The following MAPRE2 variants were observed in gnomAD, a reference collection of about 807,000 sequenced individuals.
MAPRE2 encodes the protein microtubule-associated protein RP/EB family member 2.
In MAPRE2, 13 loss-of-function variants were observed where a neutral mutation model predicts 43.2. That is an observed-to-expected ratio of 0.30 (90% CI 0.20 to 0.48). The LOEUF (loss-of-function observed/expected upper bound fraction) is 0.48. Among genes scored for constraint, MAPRE2 ranks in the 20% least tolerant of loss-of-function variants. The probability of loss-of-function intolerance (pLI) is 0.99; values close to 1 mark genes in which losing one functional copy is unlikely to be tolerated. For missense variants in MAPRE2, 161 were observed against 400.2 expected, an observed-to-expected ratio of 0.40 and a Z score of 5.10; for synonymous variants, 135 against 148.8, an observed-to-expected ratio of 0.91 and a Z score of 0.68.
chr18:35,048,453 A>G (rs1384964037), intron 1 of MAPRE2, among the ~76,000 whole-genome samples: 2 of 151,666 alleles, frequency 1.3e-5, no homozygotes, highest in Admixed American at 6.6e-5. Flanking sequence ...TATGTACACT[A>G]TAGAAAGTAT....
At chr18:35,092,088 A>C (rs961794902) in intron 2 of MAPRE2, among the ~76,000 whole-genome samples, 1 of 152,122 alleles carries the variant, frequency 6.6e-6, no homozygotes, top group Non-Finnish European at 1.5e-5. Flanking sequence ...TTTCACAAGA[A>C]CTCACTGCTT....
At chr18:35,122,442 G>A (rs910153486) in intron 4 of MAPRE2, among the ~76,000 whole-genome samples, 1 of 152,070 alleles carries the variant, frequency 6.6e-6, no homozygotes, top group African/African-American at 2.4e-5. Flanking sequence ...AGTTAAGTAG[G>A]CCTGATCTCA....
chr18:35,110,339 T>C (rs987102772), intron 4 of MAPRE2, among the ~76,000 whole-genome samples: 5 of 152,178 alleles, frequency 3.3e-5, no homozygotes, highest in Non-Finnish European at 7.4e-5. Flanking sequence ...ATTGACTACA[T>C]GTAGAAATTA....
intron 1 of MAPRE2, among the ~76,000 whole-genome samples, chr18:34,985,543 A>AAC (rs1491100504): frequency 5.3e-5 from 3 of 56,882 alleles, no homozygotes; most frequent in African/African-American, 7.4e-5. Context: ...ATAATATATA[A>AAC]TATATATATT....
In MAPRE2 at chr18:35,143,122, A is replaced by G. The variant is rs970608734; in HGVS notation, c.*2753A>G. 6.6e-6 allele frequency: 1 copy of G among 151,806 alleles called. No individual in the cohort carries two copies. The highest frequency in any genetic ancestry group is 2.4e-5 in the African/African-American group (1 of 41,386). 9.4% of individuals were successfully genotyped at this position (151,806 alleles called of 1,614,324 possible). ...AAACACCTGTTGACCTGAGAGAAGTAAATTCCAGAAGGGAACCAAGAACTC... is the reference window on the plus strand; with the variant it reads ...AAACACCTGTTGACCTGAGAGAAGTGAATTCCAGAAGGGAACCAAGAACTC... On this transcript the variant is annotated 3_prime_UTR_variant, in exon 7 of 7. Transcript: ENST00000300249.
chr18:35,122,614 T>C lies in MAPRE2; in HGVS notation c.611-4334T>C, dbSNP rs565335291. ...ATTTCTTCCTTCACTCAGCCTGCACTGTGTCCCCGTTAGTGAGGCTTAACG... is the reference window on the plus strand; with the variant it reads ...ATTTCTTCCTTCACTCAGCCTGCACCGTGTCCCCGTTAGTGAGGCTTAACG... On this transcript the variant is annotated intron_variant, in intron 4 of 6. Coordinates refer to ENST00000300249, the MANE Select transcript of MAPRE2 (RefSeq NM_014268.4). Among the ~76,000 whole-genome samples, 6 of 152,372 alleles carry C rather than the reference T, an allele frequency of 3.9e-5. No homozygotes were observed. In the East Asian group the frequency reaches 9.6e-4, roughly 24 times the overall value.
chr18:35,056,228 A>G (rs1906223747), intron 1 of MAPRE2, among the ~76,000 whole-genome samples: 1 of 152,130 alleles, frequency 6.6e-6, no homozygotes, highest in African/African-American at 2.4e-5. Flanking sequence ...TTAACTTTAA[A>G]TAATTAATCC....
intron 1 of MAPRE2, among the ~76,000 whole-genome samples, chr18:35,050,796 C>G (rs1047022682): frequency 7.2e-5 from 11 of 152,200 alleles, no homozygotes; most frequent in African/African-American, 2.4e-4. Context: ...TCATGTGACC[C>G]CTGTGTGTGA....
At chr18:35,096,045 T>A (rs1324503827) in intron 2 of MAPRE2, among the ~76,000 whole-genome samples, 1 of 152,196 alleles carries the variant, frequency 6.6e-6, no homozygotes, top group Non-Finnish European at 1.5e-5. Context: ...CATTTCATGT[T>A]TTAACAACCC....
intron 1 of MAPRE2, 163 bp downstream of exon 1, chr18:35,041,824 G>A (rs1355179280): frequency 1.4e-5 from 21 of 1,457,842 alleles, no homozygotes; most frequent in Non-Finnish European, 1.7e-5. Context: ...GTGTCATGTT[G>A]GGTTTGCATT....
At chr18:35,039,789 T>A (rs935531252), upstream of MAPRE2, among the ~76,000 whole-genome samples, 4 of 152,248 alleles carry the variant, frequency 2.6e-5, no homozygotes, top group South Asian at 2.1e-4. Flanking sequence ...CATACAGTGA[T>A]GTGAAGGAGT....
Position 35,056,738 on chromosome 18 carries a change from C to A in MAPRE2, c.123-13457C>A, listed in dbSNP as rs1906251830. Reference sequence around the variant, plus strand: ...TAGGTCTTGTGGTAATTTCCTTTTTCTTAATTATCTTTGAATGCTTATTAA... The same window carrying A: ...TAGGTCTTGTGGTAATTTCCTTTTTATTAATTATCTTTGAATGCTTATTAA... On this transcript the variant is annotated intron_variant, in intron 1 of 6. Coordinates refer to ENST00000300249, the MANE Select transcript of MAPRE2 (RefSeq NM_014268.4). Among the ~76,000 whole-genome samples, 9 of 152,216 alleles carry A rather than the reference C, an allele frequency of 5.9e-5. No homozygotes were observed. In the South Asian group the frequency reaches 1.9e-3, roughly 32 times the overall value.
chr18:35,109,887 T>C (rs1217772548), intron 4 of MAPRE2, among the ~76,000 whole-genome samples: 2 of 152,162 alleles, frequency 1.3e-5, no homozygotes, highest in African/African-American at 4.8e-5. Context: ...TTGTCCCCTC[T>C]GTTTCTTGTT....
At position 35,006,520 on chromosome 18, in the gene MAPRE2, A is replaced by G. The variant is rs9960612; in HGVS notation, c.-8+967A>G. Among the ~76,000 whole-genome samples, 1,122 of 152,364 alleles carry G rather than the reference A, an allele frequency of 7.4e-3. 10 individuals carry two copies. Among genetic ancestry groups the G allele is most frequent in the African/African-American group, 0.025 (1,028 of 41,576 alleles). ...TTGGGGCCTCATTGTAATAAATGCT[A>G]TGACTGGTGGTCACTTTTTAAATAT... is the stretch of plus-strand genomic sequence containing the variant. On this transcript the variant is annotated intron_variant, in intron 2 of 7. Coordinates refer to the MAPRE2 transcript ENST00000413393.
At chr18:35,009,999 G>A (rs1010974706) in intron 2 of MAPRE2, among the ~76,000 whole-genome samples, 1 of 152,086 alleles carries the variant, frequency 6.6e-6, no homozygotes, top group South Asian at 2.1e-4. Context: ...ATTAGGACTA[G>A]ATTAACCTAA....
At chr18:34,998,616 C>T (rs912747969) in intron 1 of MAPRE2, among the ~76,000 whole-genome samples, 3 of 151,546 alleles carry the variant, frequency 2.0e-5, no homozygotes, top group African/African-American at 4.9e-5. Flanking sequence ...CATGAGCCAC[C>T]GTGCCTGGCC....
chr18:35,116,090 T>C (rs1909396982), intron 4 of MAPRE2, among the ~76,000 whole-genome samples: 1 of 152,322 alleles, frequency 6.6e-6, no homozygotes, highest in South Asian at 2.1e-4. Flanking sequence ...TAGGCAATAG[T>C]AATAGAGGCG....
chr18:35,118,402 G>GA (rs1333906088), intron 4 of MAPRE2, among the ~76,000 whole-genome samples: 1 of 152,172 alleles, frequency 6.6e-6, no homozygotes, highest in African/African-American at 2.4e-5. Flanking sequence ...ATTGATCACA[G>GA]AATGTCTTTT....
chr18:35,064,791 C>T (rs1603396670), intron 1 of MAPRE2, among the ~76,000 whole-genome samples: 1 of 152,130 alleles, frequency 6.6e-6, no homozygotes, highest in East Asian at 1.9e-4. Flanking sequence ...CTGTACCTCT[C>T]CACCCAACAC....
Sources: allele counts gnomAD v4.1 joint callset (sites outside exome capture counted in the v4.1 genomes callset), GRCh38; gene constraint gnomAD v4.1.1; transcripts MANE v1.5; gene names NCBI Gene and HGNC (gene_info 2026-07-23, HGNC 2026-07-21).